The following CRIM1 variants were observed in gnomAD, a reference collection of about 807,000 sequenced individuals.
The protein encoded by CRIM1 is cysteine rich transmembrane BMP regulator 1.
In CRIM1, 32 loss-of-function variants were observed where a neutral mutation model predicts 116.4. The ratio of observed to expected loss-of-function variants is 0.27; its 90% confidence interval spans 0.21 to 0.37. The LOEUF (loss-of-function observed/expected upper bound fraction) is 0.37, where lower values mean the gene tolerates loss of function less well. Among genes scored for constraint, CRIM1 ranks in the 10% least tolerant of loss-of-function variants. The pLI is 1.00. For synonymous variants in CRIM1, 590 were observed against 509.2 expected (o/e 1.16, Z -2.13); for missense variants, 1,331 against 1,354.8 (o/e 0.98, Z 0.28).
intron 2 of CRIM1, among the ~76,000 whole-genome samples, chr2:36,403,323 T>G (rs1672554909): frequency 6.6e-6 from 1 of 152,212 alleles, no homozygotes; most frequent in African/African-American, 2.4e-5. Context: ...GGTTTATGAT[T>G]TTTGGCTGTT....
chr2:36,478,441 T>C (rs536557348), intron 6 of CRIM1, among the ~76,000 whole-genome samples: 1 of 152,334 alleles, frequency 6.6e-6, no homozygotes, highest in South Asian at 2.1e-4. Flanking sequence ...GATCCAGTTA[T>C]GTCTCACTTC....
chr2:36,519,580 T>C (rs554456206), intron 12 of CRIM1, among the ~76,000 whole-genome samples: 3 of 152,302 alleles, frequency 2.0e-5, no homozygotes, highest in East Asian at 1.9e-4. Context: ...TAGAAAAATA[T>C]CATCTCTAAT....
chr2:36,471,455 C>G (rs1012934051), intron 5 of CRIM1, among the ~76,000 whole-genome samples: 3 of 152,174 alleles, frequency 2.0e-5, no homozygotes, highest in Non-Finnish European at 4.4e-5. Context: ...CCATCCTTAT[C>G]AGTCAGCAGC....
intron 8 of CRIM1, among the ~76,000 whole-genome samples, chr2:36,500,183 T>C (rs1486890067): frequency 1.3e-5 from 2 of 151,604 alleles, no homozygotes; most frequent in Non-Finnish European, 2.9e-5. Flanking sequence ...CAAAAAAAAA[T>C]AGCTAAGCAT....
At chr2:36,467,616 G>C (rs72865080) in intron 5 of CRIM1, among the ~76,000 whole-genome samples, 1,978 of 152,292 alleles carry the variant, frequency 0.013, 37 homozygotes, top group African/African-American at 0.046. Context: ...GATTCTATAA[G>C]ATAGTGATAA....
At chr2:36,481,368 A>G (rs1165389614) in intron 7 of CRIM1, among the ~76,000 whole-genome samples, 1 of 152,214 alleles carries the variant, frequency 6.6e-6, no homozygotes, top group African/African-American at 2.4e-5. Flanking sequence ...GGTCACTTAG[A>G]ATTTGGTCTC....
intron 2 of CRIM1, among the ~76,000 whole-genome samples, chr2:36,405,956 C>G (rs759198999): frequency 6.6e-6 from 1 of 152,100 alleles, no homozygotes; most frequent in Non-Finnish European, 1.5e-5. Flanking sequence ...TAGAGTTGAT[C>G]CTTTTCATAG....
intron 1 of CRIM1, among the ~76,000 whole-genome samples, chr2:36,366,624 A>T (rs1399310758): frequency 2.0e-5 from 3 of 152,168 alleles, no homozygotes; most frequent in Non-Finnish European, 4.4e-5. Context: ...CAAAACAAAA[A>T]CCATAAACAA....
intron 13 of CRIM1, among the ~76,000 whole-genome samples, chr2:36,535,863 G>A (rs1167438743): frequency 6.6e-6 from 1 of 152,102 alleles, no homozygotes; most frequent in African/African-American, 2.4e-5. Context: ...CATTTACATC[G>A]TGTTAGGTAT....
chr2:36,460,566 A>AT (rs1455484631), intron 4 of CRIM1, among the ~76,000 whole-genome samples: 1 of 152,174 alleles, frequency 6.6e-6, no homozygotes. Context: ...GTTTTGTTTC[A>AT]TTTTTTAAAA....
intron 1 of CRIM1, among the ~76,000 whole-genome samples, chr2:36,394,995 AT>A (rs1233208630): frequency 6.9e-6 from 1 of 144,232 alleles, no homozygotes; most frequent in Non-Finnish European, 1.5e-5. Flanking sequence ...AATAAGAGCC[AT>A]TTGTTTGTAC....
chr2:36,433,455 G>T (rs761102291), intron 2 of CRIM1, among the ~76,000 whole-genome samples: 2 of 152,240 alleles, frequency 1.3e-5, no homozygotes, highest in Non-Finnish European at 2.9e-5. Context: ...CACTTGGCCA[G>T]CTGTGGCTTG....
At position 36,550,344 on chromosome 2, in the gene CRIM1, A is replaced by G. The variant is rs932068265; in HGVS notation, c.*1643A>G. On this transcript the variant is annotated 3_prime_UTR_variant, in exon 17 of 17. Transcript: ENST00000280527. Reference sequence around the variant, plus strand: ...CCTCAAATATAACTGACTGTATACTATAGTGGTAACTTTTCAAACAGCCCT... The same window carrying G: ...CCTCAAATATAACTGACTGTATACTGTAGTGGTAACTTTTCAAACAGCCCT... 6.6e-6 allele frequency: 1 copy of G among 151,906 alleles called. No homozygotes were observed. 9.4% of individuals were successfully genotyped at this position (151,906 alleles called of 1,614,324 possible).
intron 1 of CRIM1, among the ~76,000 whole-genome samples, chr2:36,388,439 T>G (rs373810396): frequency 1.7e-4 from 26 of 152,304 alleles, no homozygotes; most frequent in African/African-American, 6.0e-4. Context: ...CCCCAATAAA[T>G]TGTTAGCATT....
intron 7 of CRIM1, among the ~76,000 whole-genome samples, chr2:36,483,884 G>A (rs749474074): frequency 1.7e-4 from 26 of 152,154 alleles, no homozygotes; most frequent in Non-Finnish European, 1.9e-4. Context: ...GATGGCCATT[G>A]GGACCCCTGA....
intron 1 of CRIM1, among the ~76,000 whole-genome samples, chr2:36,365,956 G>A (rs1440550540): frequency 1.3e-5 from 2 of 152,076 alleles, no homozygotes; most frequent in African/African-American, 2.4e-5. Flanking sequence ...ATGGTCTCTC[G>A]ACCTCGTGAT....
chr2:36,414,017 T>A (rs1486524262), intron 2 of CRIM1, among the ~76,000 whole-genome samples: 1 of 152,230 alleles, frequency 6.6e-6, no homozygotes, highest in African/African-American at 2.4e-5. Flanking sequence ...TTCCCTGCTT[T>A]ACATCCAATA....
intron 2 of CRIM1, among the ~76,000 whole-genome samples, chr2:36,415,128 A>G (rs959388120): frequency 2.0e-5 from 3 of 152,194 alleles, no homozygotes; most frequent in East Asian, 3.9e-4. Flanking sequence ...AAAGGGCTCA[A>G]TTAGGTTGGA....
chr2:36,467,331 C>T (rs1272144434), intron 5 of CRIM1, among the ~76,000 whole-genome samples: 1 of 152,118 alleles, frequency 6.6e-6, no homozygotes, highest in Non-Finnish European at 1.5e-5. Flanking sequence ...TTGTTAAGAA[C>T]ATTGTCTCAA....
Sources: gnomAD v4.1 joint callset for allele counts (sites outside exome capture counted in the v4.1 genomes callset) on GRCh38, gnomAD v4.1.1 for gene constraint, MANE v1.5 for transcripts, NCBI Gene and HGNC (gene_info 2026-07-23, HGNC 2026-07-21) for gene names.